RPS29: variants seen among roughly 807,000 people sequenced by gnomAD.
The protein encoded by RPS29 is small ribosomal subunit protein uS14.
For missense variants in RPS29, 60 were observed against 75.7 expected (o/e 0.79, Z 0.77); for synonymous variants, 37 against 26.9 (o/e 1.37, Z -1.16).
rs775327285 is a variant in RPS29 at position 49,586,046 on chromosome 14, A to C, written c.66T>G (p.Arg22=). ...TCAGACCGTGCCGGTTTGAACAGAC[A>C]CGACTGTAAGAAAAGAGACAGCGGT... is the stretch of plus-strand genomic sequence containing the variant. ...RKFGQGSRSC[R]VCSNRHGLIR... is the part of the protein sequence containing the mutation. Residue 22 remains arginine (R), a synonymous_variant, in exon 2 of 3, where the codon CGT becomes CGG. Coordinates refer to ENST00000245458, the MANE Select transcript of RPS29 (RefSeq NM_001032.5). The C allele has an allele frequency of 1.9e-6, 3 of 1,612,594 alleles. No homozygotes were observed. Among genetic ancestry groups the C allele is most frequent in the South Asian group, 1.1e-5 (1 of 91,048 alleles).
intron 1 of RPS29, among the ~76,000 whole-genome samples, chr14:49,595,060 C>A (rs1236048991): frequency 6.6e-6 from 1 of 152,286 alleles, no homozygotes; most frequent in East Asian, 1.9e-4. Flanking sequence ...ATATTCTCTT[C>A]CCATTTCTGA....
chr14:49,581,214 G>A (rs1881325121), downstream of RPS29, among the ~76,000 whole-genome samples: 1 of 152,016 alleles, frequency 6.6e-6, no homozygotes, highest in Non-Finnish European at 1.5e-5. Context: ...AAAAAAATTG[G>A]CAAAGATAAT....
chr14:49,577,821 T>C lies in RPS29; in HGVS notation c.195A>G (p.Leu65=), dbSNP rs769169200. The C allele has an allele frequency of 2.3e-5, 37 of 1,603,256 alleles. No individual in the cohort carries two copies. The highest frequency in any genetic ancestry group is 2.9e-5 in the Non-Finnish European group (34 of 1,174,480). Residue 65 remains leucine, a synonymous_variant, in exon 3 of 3, where the codon CTA becomes CTG. Coordinates refer to the RPS29 transcript ENST00000396020. ...ATGGAGGAGATGGGTGTCACCTCCA[T>C]AGGCAGTGCCAAGGAAGACAGCTCA...
At chr14:49,574,766 C>G (rs564247821) in exon 3 of RPS29, 4 of 152,344 alleles carry the variant, frequency 2.6e-5, no homozygotes, top group African/African-American at 9.6e-5. Flanking sequence ...TGAGCTGACT[C>G]AGAGCAAAGC....
At chr14:49,581,916 G>C (rs866705445), downstream of RPS29, among the ~76,000 whole-genome samples, 10 of 149,834 alleles carry the variant, frequency 6.7e-5, no homozygotes, top group African/African-American at 2.5e-4. Flanking sequence ...CAGCTACTCA[G>C]AAGGCTGAAG....
chr14:49,577,654 C>T, exon 3 of RPS29: 1 of 732,648 alleles, frequency 1.4e-6, no homozygotes, highest in Non-Finnish European at 2.5e-6. Context: ...GGCCCTCAAA[C>T]CTTCTATGAA....
chr14:49,581,483 T>C (rs1446476979), downstream of RPS29, among the ~76,000 whole-genome samples: 1 of 152,210 alleles, frequency 6.6e-6, no homozygotes, highest in African/African-American at 2.4e-5. Context: ...TCCTTCCAGT[T>C]GCTCAGGCCA....
upstream of RPS29, among the ~76,000 whole-genome samples, chr14:49,587,269 G>A (rs1298159002): frequency 1.3e-5 from 2 of 152,120 alleles, no homozygotes; most frequent in Non-Finnish European, 2.9e-5. Context: ...ATGTTGCTTT[G>A]ACCAGATAAT....
At chr14:49,586,510 T>G (rs1012092081), upstream of RPS29, 14 of 663,372 alleles carry the variant, frequency 2.1e-5, no homozygotes, top group Non-Finnish European at 3.8e-5. Flanking sequence ...TTAGAGGCGT[T>G]GTGGGCTGGC....
downstream of RPS29, among the ~76,000 whole-genome samples, chr14:49,578,833 A>T (rs973829389): frequency 1.3e-5 from 2 of 152,168 alleles, no homozygotes; most frequent in African/African-American, 4.8e-5. Context: ...TGCTGGGATT[A>T]CAGGCATGAG....
chr14:49,578,030 A>G (rs1455183891), intron 2 of RPS29, among the ~76,000 whole-genome samples: 1 of 152,214 alleles, frequency 6.6e-6, no homozygotes, highest in Non-Finnish European at 1.5e-5. Flanking sequence ...TTTTAGAGAA[A>G]CAGTTGAAAT....
chr14:49,585,599 A>G, intron 2 of RPS29: 1 of 378,938 alleles, frequency 2.6e-6, no homozygotes, highest in Non-Finnish European at 4.7e-6. Context: ...AAAAAAAAAG[A>G]GAATAGGTAC....
chr14:49,596,830 G>A (rs1369744215), intron 1 of RPS29, among the ~76,000 whole-genome samples: 1 of 149,130 alleles, frequency 6.7e-6, no homozygotes, highest in Non-Finnish European at 1.5e-5. Context: ...CAGGCTGGAG[G>A]GCAGTTCTTC....
intron 1 of RPS29, among the ~76,000 whole-genome samples, chr14:49,595,150 G>A (rs181417276): frequency 6.6e-6 from 1 of 151,946 alleles, no homozygotes; most frequent in East Asian, 1.9e-4. Context: ...CTGATGCTTA[G>A]GTGCATATTT....
chr14:49,596,988 C>T (rs1374864734), intron 1 of RPS29, among the ~76,000 whole-genome samples: 1 of 149,902 alleles, frequency 6.7e-6, no homozygotes, highest in Non-Finnish European at 1.5e-5. Context: ...TATCTCGGCT[C>T]ACTGCAACCT....
At chr14:49,598,191 C>A (rs985266034) in intron 1 of RPS29, 4 of 552,006 alleles carry the variant, frequency 7.2e-6, no homozygotes, top group Non-Finnish European at 1.3e-5. Flanking sequence ...GAGAGAGGCG[C>A]CTAGAGCACA....
chr14:49,597,408 C>G (rs563816652), intron 1 of RPS29: 1 of 152,210 alleles, frequency 6.6e-6, no homozygotes, highest in African/African-American at 2.4e-5. Flanking sequence ...GTTTTCCTAG[C>G]TCCCAACTGT....
intron 1 of RPS29, chr14:49,597,468 T>C (rs1056597986): frequency 2.0e-5 from 3 of 152,140 alleles, no homozygotes; most frequent in African/African-American, 7.2e-5. Context: ...TTCAGGCTGG[T>C]GTTTTATTAT....
exon 3 of RPS29, chr14:49,577,394 A>T (rs1192865832): frequency 4.7e-6 from 1 of 210,534 alleles, no homozygotes; most frequent in East Asian, 1.3e-4. Context: ...TTCACTGTCT[A>T]TTCACTTTCT....
Sources: allele counts gnomAD v4.1 joint callset (sites outside exome capture counted in the v4.1 genomes callset), GRCh38; gene constraint gnomAD v4.1.1; transcripts MANE v1.5; gene names NCBI Gene and HGNC (gene_info 2026-07-23, HGNC 2026-07-21).